The following PCDH15 variants were observed in gnomAD, a reference collection of about 807,000 sequenced individuals.
PCDH15 encodes the protein protocadherin related 15, also known as protocadherin-15.
Under a neutral mutation model 178.5 loss-of-function variants are expected in PCDH15, and 129 were observed. The observed-to-expected ratio is 0.72, with a 90% CI of 0.63 to 0.84. The LOEUF is 0.84. Ranked by LOEUF, PCDH15 falls within the 40% of genes least tolerant of loss-of-function variation. The pLI, the probability that PCDH15 is intolerant of heterozygous loss-of-function variation, is 0.00. For synonymous variants in PCDH15, 800 were observed against 732.0 expected, an observed-to-expected ratio of 1.09 and a Z score of -1.50; for missense variants, 2,230 against 2,099.9, an observed-to-expected ratio of 1.06 and a Z score of -1.21.
intron 9 of PCDH15, among the ~76,000 whole-genome samples, chr10:54,234,172 G>GTC (rs915596027): frequency 6.6e-6 from 1 of 150,666 alleles, no homozygotes; most frequent in Non-Finnish European, 1.5e-5. Flanking sequence ...GTGTGTGTGT[G>GTC]TGTGCTGTGT....
intron 13 of PCDH15, among the ~76,000 whole-genome samples, chr10:54,181,520 A>G (rs1277410845): frequency 6.6e-6 from 1 of 151,950 alleles, no homozygotes; most frequent in Non-Finnish European, 1.5e-5. Context: ...ACAATAGTTA[A>G]TTTTTCAATT....
intron 3 of PCDH15, among the ~76,000 whole-genome samples, chr10:54,448,463 T>C (rs964137745): frequency 6.6e-6 from 1 of 151,650 alleles, no homozygotes; most frequent in African/African-American, 2.4e-5. Flanking sequence ...GTTCCATTTT[T>C]AAATTGGGAG....
At chr10:55,342,011 T>C (rs1312718371) in intron 2 of PCDH15, among the ~76,000 whole-genome samples, 1 of 150,360 alleles carries the variant, frequency 6.7e-6, no homozygotes, top group Non-Finnish European at 1.5e-5. Context: ...ATTAGAGCAC[T>C]AGTAGAACAG....
chr10:54,234,132 C>CTG (rs35466519), intron 9 of PCDH15, among the ~76,000 whole-genome samples: 26,653 of 138,290 alleles, frequency 0.19, 2,667 homozygotes, highest in Non-Finnish European at 0.25. Flanking sequence ...ATATCCCCTT[C>CTG]TGTGTGTGTG....
intron 2 of PCDH15, among the ~76,000 whole-genome samples, chr10:55,348,198 T>C (rs1421280868): frequency 6.6e-6 from 1 of 152,138 alleles, no homozygotes; most frequent in Admixed American, 6.6e-5. Flanking sequence ...TAATTCAATT[T>C]AAAAAATACA....
In PCDH15 at chr10:53,806,539, T is replaced by G; in HGVS notation, c.*40A>C. ...AATAAAAAGCACAGTTTATTAAAAA[T>G]GTAAGTAAAAATTAATTAAAATATC... On this transcript the variant is annotated 3_prime_UTR_variant, in exon 38 of 38. Transcript: ENST00000644397. 6.9e-7 allele frequency: 1 copy of G among 1,444,950 alleles called. No individual in the cohort carries two copies. The highest frequency in any genetic ancestry group is 1.3e-5 in the South Asian group (1 of 75,704). The allele number at this position is 1,444,950 out of a possible 1,614,324, so 89.5% of individuals were successfully genotyped here.
At chr10:55,296,989 G>T (rs574418866) in intron 1 of PCDH15, among the ~76,000 whole-genome samples, 2 of 151,978 alleles carry the variant, frequency 1.3e-5, no homozygotes, top group African/African-American at 2.4e-5. Context: ...TTTAAAAAAA[G>T]TTTGCTGAAG....
intron 25 of PCDH15, among the ~76,000 whole-genome samples, chr10:53,936,348 G>T (rs1279827687): frequency 1.3e-5 from 2 of 152,008 alleles, no homozygotes; most frequent in African/African-American, 4.8e-5. Context: ...GTTACTTTTG[G>T]CAGCAGTAAT....
intron 2 of PCDH15, among the ~76,000 whole-genome samples, chr10:55,504,869 T>C (rs1840728585): frequency 6.6e-6 from 1 of 151,440 alleles, no homozygotes; most frequent in African/African-American, 2.4e-5. Context: ...AACAAAATTA[T>C]TTACTGAGAA....
chr10:54,820,967 A>T (rs1010679768), intron 3 of PCDH15, among the ~76,000 whole-genome samples: 2 of 152,130 alleles, frequency 1.3e-5, no homozygotes, highest in East Asian at 3.8e-4. Flanking sequence ...AAATACTTGC[A>T]TGGAAAATGA....
At chr10:55,580,365 T>TA in intron 2 of PCDH15, among the ~76,000 whole-genome samples, 1 of 150,472 alleles carries the variant, frequency 6.6e-6, no homozygotes, top group East Asian at 2.0e-4. Flanking sequence ...TTTTTATTTT[T>TA]TTTTTTTTTT....
At chr10:54,217,158 T>A (rs16905780) in intron 9 of PCDH15, among the ~76,000 whole-genome samples, 8,092 of 152,202 alleles carry the variant, frequency 0.053, 293 homozygotes, top group Admixed American at 0.1. Context: ...ATTACCCATA[T>A]CAAGTTTTTT....
intron 2 of PCDH15, among the ~76,000 whole-genome samples, chr10:54,657,118 T>C (rs2094419948): frequency 6.6e-6 from 1 of 152,218 alleles, no homozygotes; most frequent in African/African-American, 2.4e-5. Context: ...GGATTTGCCC[T>C]GAGCCCATTT....
At chr10:55,362,383 G>A (rs1239389554) in intron 2 of PCDH15, among the ~76,000 whole-genome samples, 2 of 152,070 alleles carry the variant, frequency 1.3e-5, no homozygotes, top group Non-Finnish European at 2.9e-5. Context: ...GAAAAACAAA[G>A]AACAACCTTT....
chr10:55,154,378 G>A (rs2799580), intron 2 of PCDH15, among the ~76,000 whole-genome samples: 31,881 of 151,836 alleles, frequency 0.21, 4,126 homozygotes, highest in Non-Finnish European at 0.27. Flanking sequence ...GAGAACCCTG[G>A]GGCAAATCAA....
intron 1 of PCDH15, among the ~76,000 whole-genome samples, chr10:54,689,741 T>A (rs1272521280): frequency 6.6e-6 from 1 of 152,192 alleles, no homozygotes; most frequent in Non-Finnish European, 1.5e-5. Context: ...TCTTTGCTTT[T>A]GTCACCTATG....
chr10:55,598,808 C>T (rs1025047489), intron 2 of PCDH15, among the ~76,000 whole-genome samples: 2 of 151,862 alleles, frequency 1.3e-5, no homozygotes, highest in Non-Finnish European at 2.9e-5. Flanking sequence ...ATTGCTTACA[C>T]ACATACAGAG....
At chr10:55,287,083 G>C (rs1239471946) in intron 1 of PCDH15, among the ~76,000 whole-genome samples, 1 of 151,760 alleles carries the variant, frequency 6.6e-6, no homozygotes, top group Admixed American at 6.6e-5. Context: ...ATTAATAAAA[G>C]CTATTGATTA....
intron 2 of PCDH15, among the ~76,000 whole-genome samples, chr10:55,114,463 C>T (rs144004707): frequency 9.5e-4 from 144 of 152,256 alleles, no homozygotes; most frequent in African/African-American, 3.4e-3. Context: ...TTTCACTTGC[C>T]ATCTCTCCTT....
Sources: gnomAD v4.1 joint callset for allele counts (sites outside exome capture counted in the v4.1 genomes callset) on GRCh38, gnomAD v4.1.1 for gene constraint, MANE v1.5 for transcripts, NCBI Gene and HGNC (gene_info 2026-07-23, HGNC 2026-07-21) for gene names.